The following PLK5 variants were observed in gnomAD, a reference collection of about 807,000 sequenced individuals.
PLK5 encodes the protein inactive serine/threonine-protein kinase PLK5.
In PLK5, 28 loss-of-function variants were observed where a neutral mutation model predicts 33.7. That is an observed-to-expected ratio of 0.83 (90% confidence interval 0.62 to 1.14). The LOEUF (loss-of-function observed/expected upper bound fraction) is 1.14, where lower values mean the gene tolerates loss of function less well. Among genes scored for constraint, PLK5 ranks in the 50% most tolerant of loss-of-function variants. The probability of loss-of-function intolerance (pLI) is 0.00; values close to 1 mark genes in which losing one functional copy is unlikely to be tolerated. For missense variants in PLK5, 492 were observed against 461.5 expected, an observed-to-expected ratio of 1.07 and a Z score of -0.61; for synonymous variants, 225 against 202.2, an observed-to-expected ratio of 1.11 and a Z score of -0.96.
chr19:1,529,832 C>A lies in PLK5; in HGVS notation c.568+8C>A, dbSNP rs1440860676. On this transcript the variant is annotated splice_region_variant and intron_variant, in intron 11 of 13. Coordinates refer to ENST00000454744, the MANE Select transcript of PLK5 (RefSeq NM_001243079.2). The stretch of plus-strand genomic sequence containing the variant: ...TGGATGTAGGCCCCCCGGGTAGGAG[C>A]CGGCCCAGCCCCCAGGATCACCTTT... 1 of 1,534,690 alleles carries A rather than the reference C, an allele frequency of 6.5e-7. No individual in the cohort carries two copies. The highest frequency in any genetic ancestry group is 2.4e-5 in the East Asian group (1 of 40,912).
At chr19:1,529,093 C>T (rs1913847950) in intron 9 of PLK5, 119 bp downstream of exon 9, 1 of 847,746 alleles carries the variant, frequency 1.2e-6, no homozygotes. Context: ...CAAGCCCGGC[C>T]CCCTCCCCCT....
In PLK5 at chr19:1,528,084, G is replaced by C; in HGVS notation, c.151G>C (p.Ala51Pro). ...CGTGCACCTCCTAGCACCCAACCCG[G>C]CCGAGCGGCCCAGCCTGGACCACCT... ...LIVHLLAPNP[A>P]ERPSLDHLLQ... The change falls in exon 7 of 14, where the codon GCC (alanine) becomes CCC (proline). Residue 51 changes from alanine (A) to proline (P), a missense_variant. Ala to Pro is a conservative substitution (Grantham distance 27). Coordinates refer to ENST00000454744, the MANE Select transcript of PLK5 (RefSeq NM_001243079.2). The C allele has an allele frequency of 6.5e-7, 1 of 1,535,968 alleles. No homozygotes were observed. Among genetic ancestry groups the C allele is most frequent in the Non-Finnish European group, 8.7e-7 (1 of 1,146,818 alleles).
Position 1,529,387 on chromosome 19 carries a change from C to T in PLK5, c.406-19C>T, listed in dbSNP as rs547988271. The T allele has an allele frequency of 7.8e-6, 12 of 1,533,486 alleles. No homozygotes were observed. In the East Asian group the frequency reaches 2.4e-4, roughly 31 times the overall value. 95.0% of individuals were successfully genotyped at this position (1,533,486 alleles called of 1,614,324 possible). The stretch of plus-strand genomic sequence containing the variant: ...GGCTGGGGCCGGGGCCACCCCCACC[C>T]CTGCTGCTCCCACCTCAGAGCTCCC... On this transcript the variant is annotated intron_variant, in intron 9 of 13. Transcript: ENST00000454744.
At position 1,528,543 on chromosome 19, in the gene PLK5, C is replaced by G. The variant is rs62128514; in HGVS notation, c.328+115C>G. On this transcript the variant is annotated intron_variant, in intron 8 of 13. Transcript: ENST00000454744. ...CCACACCTCCCACCTGCCCACGCCT[C>G]CCACCTGCCCACGCCTCCCACCTGC... 4 of 591,070 alleles carry G rather than the reference C, an allele frequency of 6.8e-6. 1 individual carries two copies. The highest frequency in any genetic ancestry group is 1.3e-4 in the Admixed American group (2 of 15,266). The allele number at this position is 591,070 out of a possible 1,614,324, so 36.6% of individuals were successfully genotyped here.
At position 1,529,068 on chromosome 19, in the gene PLK5, CCCTT is replaced by C. The variant is rs961096731; in HGVS notation, c.405+96_405+99del. 1.5e-5 allele frequency: 18 copies of C among 1,162,678 alleles called. No homozygotes were observed. In the African/African-American group the frequency reaches 2.2e-4, roughly 14 times the overall value. The allele number at this position is 1,162,678 out of a possible 1,614,324, so 72.0% of individuals were successfully genotyped here. A position where few individuals can be genotyped will look rare whatever the true frequency, so the allele number is the denominator to read the frequency against. ...CTCCCCCATGCCGGCTTCTCTGAAC[CCCTT>C]CTGGGGTCTCCAAGCCCGGCCCCCT... is the stretch of plus-strand genomic sequence containing the variant. On this transcript the variant is annotated intron_variant, in intron 9 of 13. Transcript: ENST00000454744.
rs1913669300 is a variant in PLK5 at position 1,524,267 on chromosome 19, G to A, written c.-544+21G>A. On this transcript the variant is annotated intron_variant, in intron 1 of 13. Transcript: ENST00000454744. This position sits in a 1 kb window ranked among gnomAD's most constrained non-coding sequence, Gnocchi z 4.5. Reference sequence around the variant, plus strand: ...GCAAGGTGGGAGGCCCGCGCCCCGAGTCCGCGACGGGGCCGGACCGGGCTG... The same window carrying A: ...GCAAGGTGGGAGGCCCGCGCCCCGAATCCGCGACGGGGCCGGACCGGGCTG... 6.6e-6 allele frequency: 1 copy of A among 150,732 alleles called. No individual in the cohort carries two copies. The highest frequency in any genetic ancestry group is 6.6e-5 in the Admixed American group (1 of 15,118). 9.3% of individuals were successfully genotyped at this position (150,732 alleles called of 1,614,324 possible). A position where few individuals can be genotyped will look rare whatever the true frequency, so the allele number is the denominator to read the frequency against.
chr19:1,527,798 G>C, intron 6 of PLK5, 138 bp from the exon 7 acceptor site: 1 of 853,240 alleles, frequency 1.2e-6, no homozygotes, highest in South Asian at 1.7e-5. Flanking sequence ...CAGGGTGCTA[G>C]GTGCAGGCGG....
At chr19:1,529,112 C>T (rs1913848631) in intron 9 of PLK5, 138 bp downstream of exon 9, 1 of 746,208 alleles carries the variant, frequency 1.3e-6, no homozygotes, top group African/African-American at 1.8e-5. Context: ...CTAGTCCCGT[C>T]CTGACGCATC....
chr19:1,527,101 G>C, intron 6 of PLK5, 103 bp downstream of exon 6: 1 of 1,274,120 alleles, frequency 7.8e-7, no homozygotes, highest in African/African-American at 1.5e-5. Context: ...GCAGGGTGGG[G>C]CGCGTGGAAC....
In PLK5 at chr19:1,529,745, AG is replaced by A; in HGVS notation, c.492del. 6.5e-7 allele frequency: 1 copy of A among 1,535,988 alleles called. No individual in the cohort carries two copies. The highest frequency in any genetic ancestry group is 1.7e-4 in the Middle Eastern group (1 of 5,988). The stretch of plus-strand genomic sequence containing the variant: ...CTGCGGCACAAAGACCTGTCTTCCC[AG>A]GGCCCGAGGGGAGCCGGCGGCCAGA... On this transcript the variant is annotated splice_acceptor_variant, in intron 10 of 13. Coordinates refer to ENST00000454744, the MANE Select transcript of PLK5 (RefSeq NM_001243079.2). LOFTEE classifies it high-confidence loss of function.
Position 1,535,260 on chromosome 19 carries a change from G to A in PLK5, c.*10G>A, listed in dbSNP as rs1826000004. 1 of 1,533,858 alleles carries A rather than the reference G, an allele frequency of 6.5e-7. No individual in the cohort carries two copies. Among genetic ancestry groups the A allele is most frequent in the Non-Finnish European group, 8.7e-7 (1 of 1,145,622 alleles). On this transcript the variant is annotated 3_prime_UTR_variant, in exon 14 of 14. Coordinates refer to ENST00000454744, the MANE Select transcript of PLK5 (RefSeq NM_001243079.2). ...GCTGCAGAGTATCTAGTGCCCCTGA[G>A]GGTCAGAGTGGACCCCTGCATGGTA...
In PLK5 at chr19:1,531,407, CAAAAA is replaced by C. The variant is rs1234802098; in HGVS notation, c.569-328_569-324del. On this transcript the variant is annotated intron_variant, in intron 11 of 13. Coordinates refer to ENST00000454744, the MANE Select transcript of PLK5 (RefSeq NM_001243079.2). ...CTGGGGACAGAGCAAGACTCTGTCTCAAAAAAACAAAACAAAACAAAACAAACAAA... is the reference window on the plus strand; with the variant it reads ...CTGGGGACAGAGCAAGACTCTGTCTCAACAAAACAAAACAAAACAAACAAA... Among the ~76,000 whole-genome samples, 65 of 111,096 alleles carry C rather than the reference CAAAAA, an allele frequency of 5.9e-4. No homozygotes were observed. The South Asian group carries it at 0.024, about 42-fold the overall frequency. 72.9% of individuals were successfully genotyped at this position (111,096 alleles called of 152,430 possible). A position where few individuals can be genotyped will look rare whatever the true frequency, so the allele number is the denominator to read the frequency against.
In PLK5 at chr19:1,529,391, C is replaced by A; in HGVS notation, c.406-15C>A. On this transcript the variant is annotated splice_polypyrimidine_tract_variant and intron_variant, in intron 9 of 13. Coordinates refer to ENST00000454744, the MANE Select transcript of PLK5 (RefSeq NM_001243079.2). ...GGGGCCGGGGCCACCCCCACCCCTGCTGCTCCCACCTCAGAGCTCCCTGTC... is the reference window on the plus strand; with the variant it reads ...GGGGCCGGGGCCACCCCCACCCCTGATGCTCCCACCTCAGAGCTCCCTGTC... 1 of 1,534,400 alleles carries A rather than the reference C, an allele frequency of 6.5e-7. No homozygotes were observed. Among genetic ancestry groups the A allele is most frequent in the Non-Finnish European group, 8.7e-7 (1 of 1,145,830 alleles).
In PLK5 at chr19:1,528,080, C is replaced by G; in HGVS notation, c.147C>G (p.Asn49Lys). ...RRLIVHLLAP[N>K]PAERPSLDHL... The stretch of plus-strand genomic sequence containing the variant: ...TCATCGTGCACCTCCTAGCACCCAA[C>G]CCGGCCGAGCGGCCCAGCCTGGACC... Residue 49 changes from asparagine (N) to lysine (K), a missense_variant, in exon 7 of 14, where the codon AAC (asparagine) becomes AAG (lysine). Transcript: ENST00000454744. The G allele has an allele frequency of 6.5e-7, 1 of 1,536,044 alleles. No homozygotes were observed. The highest frequency in any genetic ancestry group is 8.7e-7 in the Non-Finnish European group (1 of 1,146,842).
chr19:1,526,899 C>T lies in PLK5; in HGVS notation c.-94-4C>T, dbSNP rs912845616. 4.2e-6 allele frequency: 6 copies of T among 1,431,416 alleles called. No homozygotes were observed. Among genetic ancestry groups the T allele is most frequent in the Non-Finnish European group, 5.7e-6 (6 of 1,052,374 alleles). The allele number at this position is 1,431,416 out of a possible 1,614,324, so 88.7% of individuals were successfully genotyped here. A position where few individuals can be genotyped will look rare whatever the true frequency, so the allele number is the denominator to read the frequency against. ...TCCTGAGCCCCCCATGACGCCCTTC[C>T]TAGAGTACTCTGTGGGACCCCTAAC... is the stretch of plus-strand genomic sequence containing the variant. On this transcript the variant is annotated splice_region_variant and splice_polypyrimidine_tract_variant and intron_variant, in intron 5 of 13. Transcript: ENST00000454744.
intron 12 of PLK5, among the ~76,000 whole-genome samples, chr19:1,533,474 G>A (rs765522292): frequency 3.7e-4 from 56 of 152,176 alleles, no homozygotes; most frequent in Non-Finnish European, 6.9e-4. Context: ...GCGGAGGCCT[G>A]GGCTGTGCTG....
chr19:1,529,881 G>A, intron 11 of PLK5, 57 bp downstream of exon 11: 5 of 1,496,208 alleles, frequency 3.3e-6, no homozygotes, highest in South Asian at 1.3e-5. Flanking sequence ...AAGTAAAATT[G>A]CCTTCATTCC....
chr19:1,526,800 C>A lies in PLK5; in HGVS notation c.-95+9C>A, dbSNP rs902617547. On this transcript the variant is annotated intron_variant, in intron 5 of 13. Coordinates refer to ENST00000454744, the MANE Select transcript of PLK5 (RefSeq NM_001243079.2). ...GGGGGCCGCTGCCACAGGTGAGAGC[C>A]GGGGGGAGGGCTCTGAGCAGTCCGT... is the stretch of plus-strand genomic sequence containing the variant. 2.2e-4 allele frequency: 144 copies of A among 662,586 alleles called. No individual in the cohort carries two copies. Among genetic ancestry groups the A allele is most frequent in the Non-Finnish European group, 2.8e-4 (107 of 384,716 alleles). 41.0% of individuals were successfully genotyped at this position (662,586 alleles called of 1,614,324 possible).
Position 1,529,427 on chromosome 19 carries a change from G to C in PLK5, c.427G>C (p.Val143Leu). ...TCAGAGCTCCCTGTCTGCGAAAGAGGTTCCCTGCCTGGAAGGCCCCATCCA... is the reference window on the plus strand; with the variant it reads ...TCAGAGCTCCCTGTCTGCGAAAGAGCTTCCCTGCCTGGAAGGCCCCATCCA... Reference protein sequence around the residue: ...DGESSLSAKEVPCLEGPIHLV... With the variant: ...DGESSLSAKELPCLEGPIHLV... The change falls in exon 10 of 14, where the codon GTT becomes CTT. Residue 143 changes from valine (V) to leucine (L), a missense_variant. Val to Leu is a conservative substitution (Grantham distance 32). Coordinates refer to ENST00000454744, the MANE Select transcript of PLK5 (RefSeq NM_001243079.2). The C allele has an allele frequency of 1.3e-6, 2 of 1,536,004 alleles. No homozygotes were observed. Among genetic ancestry groups the C allele is most frequent in the Non-Finnish European group, 1.7e-6 (2 of 1,146,864 alleles).
Sources: allele counts gnomAD v4.1 joint callset (sites outside exome capture counted in the v4.1 genomes callset), GRCh38; gene constraint gnomAD v4.1.1; non-coding constraint Gnocchi (gnomAD v3.1); transcripts MANE v1.5; gene names NCBI Gene and HGNC (gene_info 2026-07-23, HGNC 2026-07-21).